Variants in SLC41A3 observed in about 807,000 individuals in gnomAD.
The protein encoded by SLC41A3 is SLC41A1-like 2.
SLC41A3 carries 44 observed loss-of-function variants against 45.4 expected under a neutral mutation model. That is an observed-to-expected ratio of 0.97 (90% CI 0.76 to 1.25). SLC41A3 has a LOEUF of 1.25. Ranked by LOEUF, SLC41A3 falls within the 50% of genes most tolerant of loss-of-function variation. The probability of loss-of-function intolerance (pLI) is 0.00; values close to 1 mark genes in which losing one functional copy is unlikely to be tolerated. For missense variants in SLC41A3, 550 were observed against 600.6 expected (o/e 0.92, Z 0.88); for synonymous variants, 256 against 252.4 (o/e 1.01, Z -0.13).
At chr3:126,017,375 A>G (rs1940411388) in intron 6 of SLC41A3, among the ~76,000 whole-genome samples, 1 of 152,214 alleles carries the variant, frequency 6.6e-6, no homozygotes, top group Non-Finnish European at 1.5e-5. Context: ...AGGGCCGGCT[A>G]TGGGATGCCA....
chr3:126,041,423 CAGATGATAAAAG>C (rs1327819561), intron 3 of SLC41A3, among the ~76,000 whole-genome samples: 1 of 152,090 alleles, frequency 6.6e-6, no homozygotes, highest in African/African-American at 2.4e-5. Context: ...TTCCATAACA[CAGATGATAAAAG>C]AAAAAAATCT....
chr3:126,030,107 T>C (rs1941683961), intron 4 of SLC41A3, among the ~76,000 whole-genome samples: 1 of 147,960 alleles, frequency 6.8e-6, no homozygotes, highest in Admixed American at 6.8e-5. Context: ...GTAATATATA[T>C]TATACAGAAT....
rs543696567 is a variant in SLC41A3, at chr3:126,056,219, G to A, written c.274-5169C>T. The A allele has an allele frequency of 1.2e-4, 129 of 1,060,536 alleles. No individual in the cohort carries two copies. The African/African-American group carries it at 1.5e-3, about 12-fold the overall frequency. The allele number at this position is 1,060,536 out of a possible 1,614,324, so 65.7% of individuals were successfully genotyped here. A position where few individuals can be genotyped will look rare whatever the true frequency, so the allele number is the denominator to read the frequency against. On this transcript the variant is annotated intron_variant, in intron 2 of 10. Coordinates refer to ENST00000360370, the MANE Select transcript of SLC41A3 (RefSeq NM_017836.4). ...TGCCAGCCTCGCTGACACCCGGGACGCCCAAGCAGCAAGGGCAGGTTGAGG... is the reference window on the plus strand; with the variant it reads ...TGCCAGCCTCGCTGACACCCGGGACACCCAAGCAGCAAGGGCAGGTTGAGG...
At chr3:126,012,017 C>T (rs926412316) in intron 9 of SLC41A3, among the ~76,000 whole-genome samples, 9 of 152,260 alleles carry the variant, frequency 5.9e-5, no homozygotes, top group African/African-American at 1.4e-4. Flanking sequence ...AAGGCTCTGT[C>T]GGATCACCTC....
At chr3:126,079,598 G>T (rs902386240) in intron 1 of SLC41A3, among the ~76,000 whole-genome samples, 1 of 152,216 alleles carries the variant, frequency 6.6e-6, no homozygotes, top group Non-Finnish European at 1.5e-5. Context: ...AATGAAAGCC[G>T]ATGGAAAGAT....
At chr3:126,086,944 C>T (rs887546394), upstream of SLC41A3, among the ~76,000 whole-genome samples, 1 of 152,092 alleles carries the variant, frequency 6.6e-6, no homozygotes, top group Non-Finnish European at 1.5e-5. Flanking sequence ...CTAATCAATG[C>T]TTTTCAAGTT....
intron 3 of SLC41A3, among the ~76,000 whole-genome samples, chr3:126,046,308 CCT>C (rs1325544368): frequency 6.6e-6 from 1 of 151,624 alleles, no homozygotes; most frequent in Admixed American, 6.6e-5. Flanking sequence ...AGTAAAATTA[CCT>C]CTGTTTGCAG....
intron 2 of SLC41A3, among the ~76,000 whole-genome samples, chr3:126,062,514 C>T (rs1246138231): frequency 6.6e-6 from 1 of 152,174 alleles, no homozygotes; most frequent in Non-Finnish European, 1.5e-5. Context: ...ACTGATGATG[C>T]CCTCCTCCGC....
chr3:126,016,557 G>A (rs1416608545), intron 7 of SLC41A3, among the ~76,000 whole-genome samples, 174 bp downstream of exon 7: 1 of 152,240 alleles, frequency 6.6e-6, no homozygotes, highest in East Asian at 1.9e-4. Context: ...CTCAGTGAAA[G>A]GGAGAGAAGA....
chr3:126,078,672 C>T (rs146408954), intron 1 of SLC41A3, among the ~76,000 whole-genome samples: 23 of 152,222 alleles, frequency 1.5e-4, no homozygotes, highest in African/African-American at 3.9e-4. Flanking sequence ...AGACTATTAA[C>T]GATCACTTTA....
At chr3:126,052,851 C>G (rs1345948809) in intron 2 of SLC41A3, among the ~76,000 whole-genome samples, 3 of 152,202 alleles carry the variant, frequency 2.0e-5, no homozygotes, top group Non-Finnish European at 4.4e-5. Flanking sequence ...CACCCTCTCC[C>G]TTCCGCAGCT....
chr3:126,016,744 T>C lies in SLC41A3; in HGVS notation c.877A>G (p.Met293Val). 6.2e-7 allele frequency: 1 copy of C among 1,610,280 alleles called. No homozygotes were observed. Among genetic ancestry groups the C allele is most frequent in the Non-Finnish European group, 8.5e-7 (1 of 1,178,590 alleles). Residue 293 changes from methionine (M) to valine (V), a missense_variant, in exon 7 of 11, where the codon ATG becomes GTG. Transcript: ENST00000360370. The stretch of plus-strand genomic sequence containing the variant: ...GCTCCTGCTCACCTGCTGATGACCA[T>C]GGCCAGGATGATTGGGAACCAGCCA... ...KFGWFPIILA[M>V]VISSFGGLIL...
chr3:126,076,642 A>G (rs1944892037), intron 1 of SLC41A3, among the ~76,000 whole-genome samples: 1 of 152,226 alleles, frequency 6.6e-6, no homozygotes, highest in African/African-American at 2.4e-5. Context: ...GAAGCAAAGC[A>G]TGACCAGCCT....
rs902749184 is a variant in SLC41A3 at position 126,026,625 on chromosome 3, C to T, written c.454-146G>A. ...ACCCTAAAATCTCACAGGCCCTCAC[C>T]CCAGGAAAAACTAATACCACACCCC... On this transcript the variant is annotated intron_variant, in intron 4 of 10. Coordinates refer to ENST00000360370, the MANE Select transcript of SLC41A3 (RefSeq NM_017836.4). This position sits in a 1 kb window ranked among gnomAD's most constrained non-coding sequence, Gnocchi z 4.2. The T allele has an allele frequency of 4.4e-6, 5 of 1,142,726 alleles. No homozygotes were observed. Among genetic ancestry groups the T allele is most frequent in the Non-Finnish European group, 6.1e-6 (5 of 813,850 alleles). The allele number at this position is 1,142,726 out of a possible 1,614,324, so 70.8% of individuals were successfully genotyped here. A position where few individuals can be genotyped will look rare whatever the true frequency, so the allele number is the denominator to read the frequency against.
chr3:126,075,999 T>C (rs1306614418), intron 1 of SLC41A3, among the ~76,000 whole-genome samples: 1 of 152,176 alleles, frequency 6.6e-6, no homozygotes, highest in African/African-American at 2.4e-5. Context: ...TCATCAAAAT[T>C]TGAAAGTTGT....
intron 1 of SLC41A3, among the ~76,000 whole-genome samples, chr3:126,091,930 A>G (rs1945494638): frequency 6.6e-6 from 1 of 152,108 alleles, no homozygotes; most frequent in Non-Finnish European, 1.5e-5. Flanking sequence ...ATCCAAACAG[A>G]GGGGTGTATA....
rs1195921459 is a variant in SLC41A3 at position 126,091,259 on chromosome 3, C to G, written c.-79+10170G>C. Among the ~76,000 whole-genome samples the G allele has an allele frequency of 3.3e-5, 5 of 152,134 alleles. No homozygotes were observed. In the East Asian group the frequency reaches 7.7e-4, roughly 23 times the overall value. On this transcript the variant is annotated intron_variant, in intron 1 of 9. Coordinates refer to the SLC41A3 transcript ENST00000508835. Reference sequence around the variant, plus strand: ...TCAATCAGTTAGAAGCTTATTTTGCCAAGGTTAAAGACATGCTCATGACAC... The same window carrying G: ...TCAATCAGTTAGAAGCTTATTTTGCGAAGGTTAAAGACATGCTCATGACAC...
intron 1 of SLC41A3, among the ~76,000 whole-genome samples, chr3:126,077,751 C>T (rs1265416302): frequency 3.3e-5 from 5 of 152,216 alleles, no homozygotes; most frequent in Non-Finnish European, 7.3e-5. Flanking sequence ...ATGTGTGCCC[C>T]ACACTGTGCC....
intron 3 of SLC41A3, among the ~76,000 whole-genome samples, chr3:126,042,275 C>T (rs913078888): frequency 3.3e-5 from 5 of 152,026 alleles, no homozygotes; most frequent in African/African-American, 1.2e-4. Context: ...GCAGAGTTGA[C>T]ATTCTGAGGG....
Sources: gnomAD v4.1 joint callset for allele counts (sites outside exome capture counted in the v4.1 genomes callset) on GRCh38, gnomAD v4.1.1 for gene constraint, Gnocchi (gnomAD v3.1) non-coding constraint, MANE v1.5 for transcripts, NCBI Gene and HGNC (gene_info 2026-07-23, HGNC 2026-07-21) for gene names.